RAD9B: variants seen among roughly 807,000 people sequenced by gnomAD.
RAD9B encodes cell cycle checkpoint control protein RAD9B.
In RAD9B, 41 loss-of-function variants were observed where a neutral mutation model predicts 48.3. The observed-to-expected ratio is 0.85, with a 90% CI of 0.66 to 1.10. The LOEUF (loss-of-function observed/expected upper bound fraction) is 1.10, where lower values mean the gene tolerates loss of function less well. Ranked by LOEUF, RAD9B falls within the 50% of genes least tolerant of loss-of-function variation. The pLI is 0.00. For synonymous variants in RAD9B, 160 were observed against 157.9 expected (o/e 1.01, Z -0.10); for missense variants, 444 against 485.1 (o/e 0.92, Z 0.80).
chr12:110,502,637 C>T, intron 1 of RAD9B: 2 of 514,326 alleles, frequency 3.9e-6, no homozygotes, highest in East Asian at 3.4e-5. Context: ...GGGCCACAAA[C>T]TCGGGATGCT....
intron 8 of RAD9B, among the ~76,000 whole-genome samples, chr12:110,519,244 C>T (rs146107287): frequency 0.026 from 4,029 of 152,068 alleles, 154 homozygotes; most frequent in African/African-American, 0.082. Context: ...GCTGGGATTA[C>T]GGGCGTCTAC....
chr12:110,510,736 T>C (rs2063434621), intron 4 of RAD9B, among the ~76,000 whole-genome samples: 2 of 152,156 alleles, frequency 1.3e-5, no homozygotes, highest in Non-Finnish European at 2.9e-5. Context: ...CCTCTCCTCT[T>C]CCTCTAAAAG....
intron 10 of RAD9B, among the ~76,000 whole-genome samples, chr12:110,523,987 C>T (rs2063860107): frequency 6.6e-6 from 1 of 152,206 alleles, no homozygotes; most frequent in Non-Finnish European, 1.5e-5. Context: ...CTCTGTGCCT[C>T]TGTTCTCCTT....
Position 110,503,890 on chromosome 12 carries a change from T to C in RAD9B, c.117+14T>C. On this transcript the variant is annotated intron_variant, in intron 2 of 10. Coordinates refer to ENST00000409300, the MANE Select transcript of RAD9B (RefSeq NM_001286535.2). ...TCTAAAAAAGGTGTAAGTAAGAAAG[T>C]TAACAGATCACGTATCAAGGCAAGA... is the stretch of plus-strand genomic sequence containing the variant. The C allele has an allele frequency of 1.3e-6, 2 of 1,509,964 alleles. No individual in the cohort carries two copies. The highest frequency in any genetic ancestry group is 1.8e-6 in the Non-Finnish European group (2 of 1,119,530). The allele number at this position is 1,509,964 out of a possible 1,614,324, so 93.5% of individuals were successfully genotyped here.
Position 110,503,838 on chromosome 12 carries a change from A to G in RAD9B, c.79A>G (p.Ile27Val). The G allele has an allele frequency of 6.2e-7, 1 of 1,605,554 alleles. No individual in the cohort carries two copies. ...FGKAVQALSR[I>V]SDEFWLDPSK... ...GAAAGCAGTTCAAGCTCTATCACGAATTAGTGACGAGTTCTGGCTAGACCC... is the reference window on the plus strand; with the variant it reads ...GAAAGCAGTTCAAGCTCTATCACGAGTTAGTGACGAGTTCTGGCTAGACCC... Residue 27 changes from isoleucine (I) to valine (V), a missense_variant, in exon 2 of 11, where the codon ATT becomes GTT. Ile to Val is a conservative substitution (Grantham distance 29). Coordinates refer to ENST00000409300, the MANE Select transcript of RAD9B (RefSeq NM_001286535.2).
At chr12:110,506,895 A>G (rs985272604) in intron 4 of RAD9B, among the ~76,000 whole-genome samples, 58 of 151,382 alleles carry the variant, frequency 3.8e-4, no homozygotes, top group Non-Finnish European at 7.7e-4. Flanking sequence ...GCTGGAGTGC[A>G]ATGCCGCCAT....
Position 110,518,717 on chromosome 12 carries a change from G to A in RAD9B, c.637G>A (p.Asp213Asn). ...AVHSEMFVGS[D>N]EFDFFQIGMD... ...ACACAGTGAGATGTTTGTTGGCTCA[G>A]ATGAGTTTGACTTCTTTCAAATTGG... The change falls in exon 7 of 11, where the codon GAT (aspartate) becomes AAT (asparagine). Residue 213 changes from aspartate to asparagine, a missense_variant. Physicochemically the swap from Asp to Asn is conservative, Grantham distance 23. Coordinates refer to ENST00000409300, the MANE Select transcript of RAD9B (RefSeq NM_001286535.2). 1 of 1,611,852 alleles carries A rather than the reference G, an allele frequency of 6.2e-7. No individual in the cohort carries two copies.
chr12:110,513,729 TATTATTA>T (rs2063530541), intron 5 of RAD9B, among the ~76,000 whole-genome samples: 2 of 143,080 alleles, frequency 1.4e-5, no homozygotes, highest in Admixed American at 7.0e-5. Context: ...TTATTATTAT[TATTATTA>T]TTTTTGAGAC....
At chr12:110,528,591 G>C (rs755640400) in intron 10 of RAD9B, among the ~76,000 whole-genome samples, 1 of 152,242 alleles carries the variant, frequency 6.6e-6, no homozygotes, top group Non-Finnish European at 1.5e-5. Flanking sequence ...GATTAGCCAG[G>C]AGAGTGCGGC....
At chr12:110,519,438 TGTTGTTG>T (rs2063708619) in intron 8 of RAD9B, among the ~76,000 whole-genome samples, 1 of 151,546 alleles carries the variant, frequency 6.6e-6, no homozygotes, top group Non-Finnish European at 1.5e-5. Flanking sequence ...TTGTTGTTGT[TGTTGTTG>T]TTGAGATGGA....
At chr12:110,517,205 C>T (rs145316191) in intron 6 of RAD9B, among the ~76,000 whole-genome samples, 253 of 151,864 alleles carry the variant, frequency 1.7e-3, no homozygotes, top group Non-Finnish European at 2.9e-3. Context: ...GTGGCATGCA[C>T]CTGTAGTCTA....
intron 6 of RAD9B, among the ~76,000 whole-genome samples, chr12:110,517,440 C>T (rs1441422231): frequency 6.6e-6 from 1 of 151,960 alleles, no homozygotes. Context: ...GCCTGGCCAA[C>T]ATGGTGAAAC....
At chr12:110,508,178 G>A (rs1234134982) in intron 4 of RAD9B, 1 of 169,124 alleles carries the variant, frequency 5.9e-6, no homozygotes, top group Non-Finnish European at 1.5e-5. Flanking sequence ...TATTAGTTTT[G>A]GGACAGTGCA....
At position 110,520,628 on chromosome 12, in the gene RAD9B, CTTT is replaced by C. The variant is rs71083129; in HGVS notation, c.890+728_890+730del. On this transcript the variant is annotated intron_variant, in intron 9 of 10. Transcript: ENST00000409300. ...GGGATAGCCATTGCTTTCTTGCTTTCTTTTTTTTTTTTTTTTTTGTTGTTTTTT... is the reference window on the plus strand; with the variant it reads ...GGGATAGCCATTGCTTTCTTGCTTTCTTTTTTTTTTTTTTTGTTGTTTTTT... Among the ~76,000 whole-genome samples, 959 of 99,986 alleles carry C rather than the reference CTTT, an allele frequency of 9.6e-3. 4 individuals carry two copies. Among genetic ancestry groups the C allele is most frequent in the Admixed American group, 0.014 (107 of 7,818 alleles). 65.6% of individuals were successfully genotyped at this position (99,986 alleles called of 152,430 possible).
chr12:110,502,532 C>T, intron 1 of RAD9B, 149 bp downstream of exon 1: 1 of 834,000 alleles, frequency 1.2e-6, no homozygotes, highest in Non-Finnish European at 1.9e-6. Context: ...CACTCAAGTC[C>T]CTGTTAACTT....
Position 110,519,910 on chromosome 12 carries a change from G to A in RAD9B, c.884G>A (p.Arg295Gln), listed in dbSNP as rs1439336615. The change falls in exon 9 of 11, where the codon CGA (arginine) becomes CAA (glutamine). Residue 295 changes from arginine (R) to glutamine (Q), a missense_variant. Arg to Gln is a conservative substitution (Grantham distance 43). Coordinates refer to ENST00000409300, the MANE Select transcript of RAD9B (RefSeq NM_001286535.2). ...SPQSLCLSQK[R>Q]KRSDLIEKKA... ...CAGTCACTGTGTCTTTCACAGAAAC[G>A]AAAAAGGTAAGACTGTGTTTTAACT... The A allele has an allele frequency of 1.9e-6, 3 of 1,608,346 alleles. No individual in the cohort carries two copies. Among genetic ancestry groups the A allele is most frequent in the Admixed American group, 1.7e-5 (1 of 58,364 alleles).
At chr12:110,513,213 C>G (rs913798295) in intron 5 of RAD9B, among the ~76,000 whole-genome samples, 1 of 151,954 alleles carries the variant, frequency 6.6e-6, no homozygotes, top group African/African-American at 2.4e-5. Context: ...CGTGATCCAC[C>G]TGCCTTGGCC....
In RAD9B at chr12:110,533,113, A is replaced by G. The variant is rs757253201; in HGVS notation, c.*2460A>G. 1.3e-5 allele frequency: 2 copies of G among 152,220 alleles called. No individual in the cohort carries two copies. The highest frequency in any genetic ancestry group is 2.9e-5 in the Non-Finnish European group (2 of 68,038). 9.4% of individuals were successfully genotyped at this position (152,220 alleles called of 1,614,324 possible). A position where few individuals can be genotyped will look rare whatever the true frequency, so the allele number is the denominator to read the frequency against. ...GTAGTGAAGCAGCTGGAGCCAGTTA[A>G]AGTAGCAGCATATAATCAGTGCTAG... On this transcript the variant is annotated 3_prime_UTR_variant, in exon 11 of 11. Transcript: ENST00000409300.
At chr12:110,526,035 C>T (rs1224213916) in intron 10 of RAD9B, among the ~76,000 whole-genome samples, 1 of 152,160 alleles carries the variant, frequency 6.6e-6, no homozygotes, top group Non-Finnish European at 1.5e-5. Context: ...CAGGGTTTCA[C>T]TGTGTTGGCC....
Sources: gnomAD v4.1 joint callset for allele counts (sites outside exome capture counted in the v4.1 genomes callset) on GRCh38, gnomAD v4.1.1 for gene constraint, MANE v1.5 for transcripts, NCBI Gene and HGNC (gene_info 2026-07-23, HGNC 2026-07-21) for gene names.